Variants in GRID2 observed in about 807,000 individuals in gnomAD.
The protein encoded by GRID2 is glutamate ionotropic receptor delta type subunit 2.
Under a neutral mutation model 114.8 loss-of-function variants are expected in GRID2, and 33 were observed. The ratio of observed to expected loss-of-function variants is 0.29; its 90% CI spans 0.22 to 0.38. The LOEUF (loss-of-function observed/expected upper bound fraction) is 0.38. Ranked by LOEUF, GRID2 falls within the 10% of genes least tolerant of loss-of-function variation. The pLI is 1.00. For synonymous variants in GRID2, 505 were observed against 449.9 expected (o/e 1.12, Z -1.55); for missense variants, 1,184 against 1,257.7 (o/e 0.94, Z 0.89).
intron 11 of GRID2, among the ~76,000 whole-genome samples, chr4:93,485,066 A>G (rs1406387286): frequency 6.6e-6 from 1 of 151,874 alleles, no homozygotes; most frequent in Non-Finnish European, 1.5e-5. Flanking sequence ...TGATAGTCCC[A>G]TGTCCTTGCC....
intron 2 of GRID2, among the ~76,000 whole-genome samples, chr4:93,038,406 AAG>A (rs1369293424): frequency 2.0e-5 from 3 of 152,334 alleles, no homozygotes; most frequent in South Asian, 2.1e-4. Context: ...ACATATGAAA[AAG>A]AGTTCATCAT....
At chr4:92,743,385 C>T (rs1210260595) in intron 2 of GRID2, among the ~76,000 whole-genome samples, 1 of 152,068 alleles carries the variant, frequency 6.6e-6, no homozygotes, top group Admixed American at 6.6e-5. Context: ...TGTATATGAG[C>T]AGTCATATAG....
intron 1 of GRID2, among the ~76,000 whole-genome samples, chr4:92,405,244 C>T (rs922132493): frequency 3.9e-5 from 6 of 151,990 alleles, no homozygotes; most frequent in African/African-American, 1.5e-4. Flanking sequence ...TTATATAGGA[C>T]AGTTATGAGA....
intron 8 of GRID2, among the ~76,000 whole-genome samples, chr4:93,321,153 C>T (rs939684146): frequency 6.6e-6 from 1 of 151,942 alleles, no homozygotes; most frequent in Non-Finnish European, 1.5e-5. Flanking sequence ...TGGAGAATGT[C>T]CACTGAGAGC....
At chr4:92,893,015 A>G (rs117553317) in intron 2 of GRID2, among the ~76,000 whole-genome samples, 2,884 of 152,326 alleles carry the variant, frequency 0.019, 42 homozygotes, top group East Asian at 0.053. Flanking sequence ...TGAAAAGACA[A>G]TATTAATCAA....
At chr4:93,480,302 C>T (rs552892716) in intron 11 of GRID2, among the ~76,000 whole-genome samples, 1 of 151,962 alleles carries the variant, frequency 6.6e-6, no homozygotes, top group Non-Finnish European at 1.5e-5. Context: ...AAAAATGCTA[C>T]CTTGACCCCT....
At chr4:93,045,410 A>T (rs1013641361) in intron 2 of GRID2, among the ~76,000 whole-genome samples, 1 of 152,030 alleles carries the variant, frequency 6.6e-6, no homozygotes, top group Non-Finnish European at 1.5e-5. Context: ...TAATATTTCT[A>T]TATATGTATC....
At chr4:92,556,741 T>A (rs945063249) in intron 1 of GRID2, among the ~76,000 whole-genome samples, 1 of 152,142 alleles carries the variant, frequency 6.6e-6, no homozygotes, top group Non-Finnish European at 1.5e-5. Flanking sequence ...ACCACTTGTT[T>A]GCCTTGTGGG....
chr4:93,066,287 C>T (rs1341570946), intron 2 of GRID2, among the ~76,000 whole-genome samples: 1 of 151,982 alleles, frequency 6.6e-6, no homozygotes, highest in Non-Finnish European at 1.5e-5. Flanking sequence ...AATTTCACTA[C>T]ATCTGTTCAT....
intron 14 of GRID2, among the ~76,000 whole-genome samples, chr4:93,732,303 A>C (rs1241830056): frequency 1.3e-5 from 2 of 152,208 alleles, no homozygotes; most frequent in Admixed American, 6.5e-5. Context: ...CTAAAATGCC[A>C]CAAGAGACAC....
chr4:92,645,243 T>G (rs1344323252), intron 2 of GRID2, among the ~76,000 whole-genome samples: 1 of 151,752 alleles, frequency 6.6e-6, no homozygotes, highest in Non-Finnish European at 1.5e-5. Flanking sequence ...CTTTTCTTTT[T>G]CCTTGGAATG....
chr4:93,487,186 C>T (rs896707926), intron 11 of GRID2, among the ~76,000 whole-genome samples: 1 of 151,712 alleles, frequency 6.6e-6, no homozygotes, highest in Non-Finnish European at 1.5e-5. Context: ...TGTGTCTTCA[C>T]TTATTTTCCT....
intron 4 of GRID2, among the ~76,000 whole-genome samples, chr4:93,170,423 G>A (rs1255524832): frequency 6.6e-6 from 1 of 152,044 alleles, no homozygotes; most frequent in Non-Finnish European, 1.5e-5. Flanking sequence ...GAATCCAGTT[G>A]CAGCAATGTC....
intron 14 of GRID2, among the ~76,000 whole-genome samples, chr4:93,713,100 TA>T (rs1728624800): frequency 6.6e-6 from 1 of 152,210 alleles, no homozygotes; most frequent in African/African-American, 2.4e-5. Context: ...TTCAACTTAT[TA>T]AAATTTGGGA....
At chr4:92,468,471 A>G (rs926957967) in intron 1 of GRID2, among the ~76,000 whole-genome samples, 1 of 152,078 alleles carries the variant, frequency 6.6e-6, no homozygotes. Flanking sequence ...CTTAATTTGG[A>G]GCCAAGCACT....
chr4:92,734,146 C>A (rs1736471243), intron 2 of GRID2, among the ~76,000 whole-genome samples: 1 of 151,802 alleles, frequency 6.6e-6, no homozygotes, highest in African/African-American at 2.4e-5. Context: ...CTTAGAAGTT[C>A]AAAGTATTCA....
intron 2 of GRID2, among the ~76,000 whole-genome samples, chr4:92,782,476 G>T (rs1739130214): frequency 6.6e-6 from 1 of 152,034 alleles, no homozygotes. Context: ...TAAGCTGCCT[G>T]TAAAATTCTT....
chr4:93,749,372 A>G (rs1407968590), intron 14 of GRID2, among the ~76,000 whole-genome samples: 1 of 152,210 alleles, frequency 6.6e-6, no homozygotes, highest in Admixed American at 6.5e-5. Context: ...GGAAGGAGAC[A>G]GAAGTGTTGC....
chr4:93,141,196 A>AT (rs1735739770), intron 4 of GRID2, among the ~76,000 whole-genome samples: 1 of 152,064 alleles, frequency 6.6e-6, no homozygotes, highest in Non-Finnish European at 1.5e-5. Context: ...ATCATTATAT[A>AT]TTTTAGTTTT....
Sources: gnomAD v4.1 joint callset for allele counts (sites outside exome capture counted in the v4.1 genomes callset) on GRCh38, gnomAD v4.1.1 for gene constraint, MANE v1.5 for transcripts, NCBI Gene and HGNC (gene_info 2026-07-23, HGNC 2026-07-21) for gene names.